The following SLC9A8 variants were observed in gnomAD, a reference collection of about 807,000 sequenced individuals.
SLC9A8 encodes the protein sodium/hydrogen exchanger 8.
Under a neutral mutation model 66.6 loss-of-function variants are expected in SLC9A8, and 48 were observed. The ratio of observed to expected loss-of-function variants is 0.72; its 90% CI spans 0.57 to 0.92. The LOEUF (loss-of-function observed/expected upper bound fraction) is 0.92, where lower values mean the gene tolerates loss of function less well. Among genes scored for constraint, SLC9A8 ranks in the 40% least tolerant of loss-of-function variants. The probability of loss-of-function intolerance (pLI) is 0.00; values close to 1 mark genes in which losing one functional copy is unlikely to be tolerated. For synonymous variants in SLC9A8, 274 were observed against 282.6 expected (o/e 0.97, Z 0.31); for missense variants, 599 against 747.3 (o/e 0.80, Z 2.31).
chr20:49,886,948 T>C lies in SLC9A8; in HGVS notation c.1638+50T>C. 6.4e-7 allele frequency: 1 copy of C among 1,573,972 alleles called. No individual in the cohort carries two copies. The highest frequency in any genetic ancestry group is 8.6e-7 in the Non-Finnish European group (1 of 1,156,202). ...TTCTGGGGGTCCCTTGCCTGCCTCC[T>C]TCAGGACCTGCGGTGGCCCAGGGTG... On this transcript the variant is annotated intron_variant, in intron 15 of 15. Coordinates refer to ENST00000361573, the MANE Select transcript of SLC9A8 (RefSeq NM_015266.3). This position sits in a 1 kb window ranked among gnomAD's most constrained non-coding sequence, Gnocchi z 4.8.
intron 3 of SLC9A8, chr20:49,829,951 G>A (rs909165372): frequency 6.1e-5 from 36 of 593,868 alleles, no homozygotes; most frequent in Non-Finnish European, 1.0e-4. Context: ...AGCGGGGTCA[G>A]CCCCCAAAGA....
At chr20:49,830,805 G>A (rs546912979) in intron 3 of SLC9A8, 1 of 1,132,546 alleles carries the variant, frequency 8.8e-7, no homozygotes, top group South Asian at 1.2e-5. Flanking sequence ...CCTGGCCTAG[G>A]TGACAGATCA....
chr20:49,884,278 CACACACACACG>C (rs1568884047), intron 14 of SLC9A8: 26 of 196,572 alleles, frequency 1.3e-4, no homozygotes, highest in Non-Finnish European at 1.9e-4. Flanking sequence ...ACACACGACA[CACACACACACG>C]ACACACACAC....
intron 13 of SLC9A8, among the ~76,000 whole-genome samples, chr20:49,882,055 G>A (rs550874155): frequency 6.6e-6 from 1 of 152,176 alleles, no homozygotes; most frequent in East Asian, 1.9e-4. Flanking sequence ...GATCCTCAAC[G>A]AGGGGCACTG....
At chr20:49,880,742 C>T (rs1469379202) in intron 12 of SLC9A8, among the ~76,000 whole-genome samples, 182 bp from the exon 13 acceptor site, 1 of 152,222 alleles carries the variant, frequency 6.6e-6, no homozygotes, top group Admixed American at 6.5e-5. Flanking sequence ...AATCCCGCAG[C>T]TGTGGCAGCA....
intron 4 of SLC9A8, among the ~76,000 whole-genome samples, chr20:49,841,311 TAA>T (rs535960944): frequency 4.0e-4 from 50 of 124,030 alleles, no homozygotes; most frequent in Admixed American, 5.0e-4. Flanking sequence ...ACCCTGTCTC[TAA>T]AAAAAAAAAA....
intron 4 of SLC9A8, among the ~76,000 whole-genome samples, chr20:49,844,282 C>A (rs2087887532): frequency 6.6e-6 from 1 of 152,106 alleles, no homozygotes; most frequent in South Asian, 2.1e-4. Flanking sequence ...GCTATTTTAA[C>A]CATATATAGG....
chr20:49,849,182 C>A (rs2088136672), intron 5 of SLC9A8, among the ~76,000 whole-genome samples: 1 of 152,116 alleles, frequency 6.6e-6, no homozygotes, highest in South Asian at 2.1e-4. Flanking sequence ...CCAGATGAGC[C>A]CAGAGGCCTC....
At chr20:49,885,591 C>G (rs536938927) in intron 14 of SLC9A8, among the ~76,000 whole-genome samples, 10 of 152,360 alleles carry the variant, frequency 6.6e-5, no homozygotes, top group African/African-American at 2.2e-4. Context: ...TGCAGCTGAT[C>G]CTGTGAACAC....
At chr20:49,865,963 G>T (rs1666423699) in intron 10 of SLC9A8, among the ~76,000 whole-genome samples, 2 of 152,292 alleles carry the variant, frequency 1.3e-5, no homozygotes, top group South Asian at 4.1e-4. Context: ...TATTAACTTC[G>T]TTGAGGTATA....
chr20:49,871,498 T>A (rs1048946253), intron 10 of SLC9A8, among the ~76,000 whole-genome samples: 60 of 152,254 alleles, frequency 3.9e-4, no homozygotes, highest in African/African-American at 1.4e-3. Flanking sequence ...TCAAATACCA[T>A]GCCTTTTACC....
intron 8 of SLC9A8, among the ~76,000 whole-genome samples, chr20:49,860,969 A>C (rs890625758): frequency 5.9e-5 from 9 of 152,146 alleles, no homozygotes; most frequent in African/African-American, 2.2e-4. Context: ...CACCATGACA[A>C]CCTTTAAATG....
intron 10 of SLC9A8, among the ~76,000 whole-genome samples, chr20:49,868,288 C>G (rs1280435826): frequency 6.6e-6 from 1 of 152,200 alleles, no homozygotes; most frequent in South Asian, 2.1e-4. Context: ...GGACCTTGCT[C>G]CACACACAGC....
rs763516664 is a variant in SLC9A8 at position 49,815,046 on chromosome 20, C to T, written c.65C>T (p.Thr22Ile). 3 of 1,602,404 alleles carry T rather than the reference C, an allele frequency of 1.9e-6. No individual in the cohort carries two copies. Among genetic ancestry groups the T allele is most frequent in the Admixed American group, 1.7e-5 (1 of 58,268 alleles). ...PNTTHEGFNV[T>I]LHTTLVVTTK... ...ACAACTCATGAGGGTTTCAATGTCA[C>T]CCTCCACACCACCCTGGTTGTCACG... The change falls in exon 2 of 16, where the codon ACC becomes ATC. Residue 22 changes from threonine to isoleucine, a missense_variant. Coordinates refer to ENST00000361573, the MANE Select transcript of SLC9A8 (RefSeq NM_015266.3).
chr20:49,823,229 G>C, intron 3 of SLC9A8, 88 bp downstream of exon 3: 1 of 938,874 alleles, frequency 1.1e-6, no homozygotes, highest in African/African-American at 1.6e-5. Context: ...AACCACAAGA[G>C]ATGCATCACA....
At chr20:49,845,205 TAGC>T (rs891080741) in intron 5 of SLC9A8, 86 bp downstream of exon 5, 161 of 964,940 alleles carry the variant, frequency 1.7e-4, no homozygotes, top group East Asian at 2.0e-4. Flanking sequence ...GGGTATAATT[TAGC>T]AGCAGCAGCA....
At chr20:49,823,338 C>T (rs879411011) in intron 3 of SLC9A8, among the ~76,000 whole-genome samples, 197 bp downstream of exon 3, 3 of 152,120 alleles carry the variant, frequency 2.0e-5, no homozygotes, top group Non-Finnish European at 2.9e-5. Flanking sequence ...GTAGTGACCT[C>T]CTAAAGGTCA....
intron 10 of SLC9A8, among the ~76,000 whole-genome samples, chr20:49,865,117 CAGAGG>C (rs1269476627): frequency 6.6e-6 from 1 of 152,216 alleles, no homozygotes; most frequent in East Asian, 1.9e-4. Context: ...GAGGCTCCCT[CAGAGG>C]AGGGTAGCCT....
intron 2 of SLC9A8, among the ~76,000 whole-genome samples, chr20:49,818,479 ATTT>A (rs758928369): frequency 8.0e-6 from 1 of 125,002 alleles, no homozygotes; most frequent in African/African-American, 3.0e-5. Context: ...CAAACATTGA[ATTT>A]TTTTTTTTTT....
Sources: allele counts gnomAD v4.1 joint callset (sites outside exome capture counted in the v4.1 genomes callset), GRCh38; gene constraint gnomAD v4.1.1; non-coding constraint Gnocchi (gnomAD v3.1); transcripts MANE v1.5; gene names NCBI Gene and HGNC (gene_info 2026-07-23, HGNC 2026-07-21).